The following FMN2 variants were observed in gnomAD, a reference collection of about 807,000 sequenced individuals.
FMN2 encodes formin-2.
FMN2 carries 51 observed loss-of-function variants against 142.3 expected under a neutral mutation model. That is an observed-to-expected ratio of 0.36 (90% CI 0.29 to 0.45). The LOEUF is 0.45. Ranked by LOEUF, FMN2 falls within the 20% of genes least tolerant of loss-of-function variation. The pLI, the probability that FMN2 is intolerant of heterozygous loss-of-function variation, is 1.00. For synonymous variants in FMN2, 882 were observed against 869.8 expected (o/e 1.01, Z -0.25); for missense variants, 1,936 against 2,122.8 (o/e 0.91, Z 1.73).
intron 14 of FMN2, among the ~76,000 whole-genome samples, chr1:240,368,177 A>T (rs1672746577): frequency 6.6e-6 from 1 of 152,228 alleles, no homozygotes; most frequent in East Asian, 1.9e-4. Context: ...AAAAGGCTAG[A>T]TTCCTACCTT....
intron 16 of FMN2, among the ~76,000 whole-genome samples, chr1:240,455,717 C>T (rs9662188): frequency 0.74 from 113,169 of 151,940 alleles, 42,309 homozygotes; most frequent in Middle Eastern, 0.82. Flanking sequence ...GGCTCATGCC[C>T]GTAATCCCAG....
intron 14 of FMN2, among the ~76,000 whole-genome samples, chr1:240,372,862 G>C (rs1315566557): frequency 2.0e-5 from 3 of 152,012 alleles, no homozygotes; most frequent in Non-Finnish European, 1.5e-5. Context: ...TAAAAACTAC[G>C]TACATACCTT....
chr1:240,326,055 A>G (rs1671161354), intron 8 of FMN2, among the ~76,000 whole-genome samples: 1 of 152,200 alleles, frequency 6.6e-6, no homozygotes, highest in Non-Finnish European at 1.5e-5. Flanking sequence ...AGTTCAGTAT[A>G]TGCTGATTCA....
intron 4 of FMN2, among the ~76,000 whole-genome samples, chr1:240,195,742 G>T (rs1249297638): frequency 2.0e-5 from 3 of 152,200 alleles, no homozygotes; most frequent in Non-Finnish European, 4.4e-5. Context: ...ATAAGGCTGG[G>T]TGTGGTAGCT....
intron 2 of FMN2, among the ~76,000 whole-genome samples, chr1:240,134,431 C>T (rs1662856917): frequency 6.6e-6 from 1 of 152,006 alleles, no homozygotes; most frequent in Non-Finnish European, 1.5e-5. Flanking sequence ...TGAGACCAGC[C>T]TGGGCCATAT....
intron 14 of FMN2, among the ~76,000 whole-genome samples, chr1:240,377,813 A>T (rs925173709): frequency 5.9e-5 from 9 of 152,148 alleles, no homozygotes; most frequent in Non-Finnish European, 7.3e-5. Flanking sequence ...AATTTATTAT[A>T]TTATATTCCC....
intron 15 of FMN2, among the ~76,000 whole-genome samples, chr1:240,423,125 A>G (rs1163686602): frequency 2.0e-5 from 3 of 152,168 alleles, no homozygotes; most frequent in African/African-American, 4.8e-5. Context: ...GTTGGCATAA[A>G]AATATCTTTG....
chr1:240,454,251 T>C (rs528594475), intron 16 of FMN2, among the ~76,000 whole-genome samples: 22 of 152,248 alleles, frequency 1.4e-4, no homozygotes, highest in African/African-American at 4.3e-4. Context: ...CATTAAGATA[T>C]GGCTTTGGGG....
intron 2 of FMN2, among the ~76,000 whole-genome samples, chr1:240,130,440 T>C (rs1415910083): frequency 1.3e-5 from 2 of 152,168 alleles, no homozygotes; most frequent in Non-Finnish European, 2.9e-5. Flanking sequence ...GTAGCTGGGA[T>C]TACAGGTGGA....
chr1:240,406,347 CGGGAGTGGG>C, intron 15 of FMN2, among the ~76,000 whole-genome samples: 1 of 93,744 alleles, frequency 1.1e-5, no homozygotes, highest in Admixed American at 1.2e-4. Flanking sequence ...GAAGCAGCCT[CGGGAGTGGG>C]GGGAGCGAAG....
intron 14 of FMN2, among the ~76,000 whole-genome samples, chr1:240,383,210 AT>A (rs1673289175): frequency 6.6e-6 from 1 of 151,968 alleles, no homozygotes; most frequent in Middle Eastern, 3.2e-3. Context: ...TAGGCAAAGA[AT>A]TTATGACAAA....
chr1:240,264,467 G>A (rs1195321833), intron 7 of FMN2, among the ~76,000 whole-genome samples: 1 of 152,102 alleles, frequency 6.6e-6, no homozygotes, highest in Admixed American at 6.6e-5. Context: ...ATGCCATGGT[G>A]GTTTGTTGCA....
At chr1:240,228,335 AAAAGAAAAAGAAAAAG>A (rs1558380550) in intron 6 of FMN2, among the ~76,000 whole-genome samples, 14 of 88,538 alleles carry the variant, frequency 1.6e-4, no homozygotes, top group African/African-American at 9.0e-4. Context: ...AAAAAAAAGA[AAAAGAAAAAGAAAAAG>A]AAAGAAAAAA....
At chr1:240,127,178 C>T (rs1292791882) in intron 2 of FMN2, among the ~76,000 whole-genome samples, 1 of 147,700 alleles carries the variant, frequency 6.8e-6, no homozygotes, top group Non-Finnish European at 1.5e-5. Flanking sequence ...GGAGCAAGAT[C>T]AGAGGCATGA....
At position 240,201,578 on chromosome 1, in the gene FMN2, A is replaced by G. The variant is rs141540410; in HGVS notation, c.1987-5221A>G. ...CCATCTTTTCATAAAAGGTGATATG[A>G]TGTCATATATCATGGCACCATATAT... is the stretch of plus-strand genomic sequence containing the variant. On this transcript the variant is annotated intron_variant, in intron 4 of 17. Coordinates refer to ENST00000319653, the MANE Select transcript of FMN2 (RefSeq NM_020066.5). Among the ~76,000 whole-genome samples the G allele has an allele frequency of 8.4e-3, 1,276 of 152,346 alleles. 16 individuals carry two copies. Among genetic ancestry groups the G allele is most frequent in the African/African-American group, 0.029 (1,212 of 41,580 alleles).
intron 7 of FMN2, among the ~76,000 whole-genome samples, chr1:240,272,138 A>G (rs909067862): frequency 9.9e-5 from 15 of 152,052 alleles, no homozygotes; most frequent in Non-Finnish European, 2.1e-4. Flanking sequence ...CCTCACTAGG[A>G]GGGTGACTCT....
intron 2 of FMN2, among the ~76,000 whole-genome samples, chr1:240,171,882 T>C (rs1274495908): frequency 4.5e-5 from 4 of 88,450 alleles, no homozygotes; most frequent in Non-Finnish European, 6.6e-5. Flanking sequence ...CTCATATGCC[T>C]ATGGTAGAAA....
chr1:240,170,740 C>A, intron 2 of FMN2: 1 of 1,475,306 alleles, frequency 6.8e-7, no homozygotes, highest in Non-Finnish European at 9.4e-7. Flanking sequence ...CAAGGTGGGG[C>A]CTGGCTCTGT....
intron 2 of FMN2, chr1:240,145,159 T>A (rs1395756684): frequency 6.8e-7 from 1 of 1,477,350 alleles, no homozygotes; most frequent in East Asian, 2.3e-5. Flanking sequence ...CCAGCGCTGG[T>A]CGATACAGGG....
Sources: gnomAD v4.1 joint callset for allele counts (sites outside exome capture counted in the v4.1 genomes callset) on GRCh38, gnomAD v4.1.1 for gene constraint, MANE v1.5 for transcripts, NCBI Gene and HGNC (gene_info 2026-07-23, HGNC 2026-07-21) for gene names.